RBFOX1: variants seen among roughly 807,000 people sequenced by gnomAD.
RBFOX1 encodes RNA binding protein fox-1 homolog 1.
Under a neutral mutation model 57.7 loss-of-function variants are expected in RBFOX1, and 8 were observed. The observed-to-expected ratio is 0.14, with a 90% CI of 0.08 to 0.25. RBFOX1 has a LOEUF of 0.25. RBFOX1 is among the 10% of genes least tolerant of loss of function. The pLI, the probability that RBFOX1 is intolerant of heterozygous loss-of-function variation, is 1.00. For synonymous variants in RBFOX1, 326 were observed against 222.4 expected (o/e 1.47, Z -4.15); for missense variants, 611 against 548.5 (o/e 1.11, Z -1.14).
At chr16:5,404,329 A>T (rs2066802990) in intron 1 of RBFOX1, among the ~76,000 whole-genome samples, 1 of 152,194 alleles carries the variant, frequency 6.6e-6, no homozygotes, top group Admixed American at 6.5e-5. Context: ...TTCTGGGAGC[A>T]TTGAACCTTA....
At position 5,905,518 on chromosome 16, in the gene RBFOX1, C is replaced by T. The variant is rs4786788; in HGVS notation, c.351+38183C>T. ...CTTGAGCCCAGGAGTTTTTGACCAG[C>T]TTGGAAAACATGTTGAAACCGAATC... On this transcript the variant is annotated intron_variant, in intron 4 of 19. Coordinates refer to the RBFOX1 transcript ENST00000641259. Among the ~76,000 whole-genome samples, 15 of 152,012 alleles carry T rather than the reference C, an allele frequency of 9.9e-5. No homozygotes were observed. In the East Asian group the frequency reaches 2.9e-3, roughly 30 times the overall value.
intron 1 of RBFOX1, among the ~76,000 whole-genome samples, chr16:5,299,681 G>C (rs1596450583): frequency 1.3e-5 from 2 of 152,156 alleles, no homozygotes; most frequent in South Asian, 4.1e-4. Flanking sequence ...TCAATTTGGT[G>C]AGCTTTTTGT....
At chr16:6,061,215 C>T (rs1160349107) in intron 1 of RBFOX1, among the ~76,000 whole-genome samples, 4 of 152,138 alleles carry the variant, frequency 2.6e-5, no homozygotes, top group African/African-American at 4.8e-5. Context: ...CAGGGACCCA[C>T]TATAGCAATT....
intron 3 of RBFOX1, among the ~76,000 whole-genome samples, chr16:5,665,027 C>T (rs945647225): frequency 1.3e-5 from 2 of 151,672 alleles, no homozygotes; most frequent in African/African-American, 4.9e-5. Flanking sequence ...TCACTGCAGC[C>T]CTCTACCTCC....
At chr16:5,701,992 C>G (rs1475861563) in intron 3 of RBFOX1, among the ~76,000 whole-genome samples, 1 of 152,112 alleles carries the variant, frequency 6.6e-6, no homozygotes, top group Non-Finnish European at 1.5e-5. Flanking sequence ...TAGAAGAATG[C>G]CTGGTAGAAA....
intron 3 of RBFOX1, among the ~76,000 whole-genome samples, chr16:6,923,983 A>C (rs2075036189): frequency 6.6e-6 from 1 of 152,002 alleles, no homozygotes; most frequent in African/African-American, 2.4e-5. Flanking sequence ...CATCCTGGCC[A>C]ACATGGTGAA....
chr16:6,624,698 C>A (rs17721074), intron 2 of RBFOX1, among the ~76,000 whole-genome samples: 2 of 151,906 alleles, frequency 1.3e-5, no homozygotes, highest in African/African-American at 4.8e-5. Flanking sequence ...AACTCCTAGA[C>A]GTCGTTGTAA....
intron 4 of RBFOX1, among the ~76,000 whole-genome samples, chr16:7,088,908 C>G (rs1282410912): frequency 6.6e-6 from 1 of 152,188 alleles, no homozygotes; most frequent in Non-Finnish European, 1.5e-5. Flanking sequence ...AGAAAATCCT[C>G]TTTATCCGCT....
At chr16:5,850,194 G>T (rs2056859147) in intron 3 of RBFOX1, among the ~76,000 whole-genome samples, 1 of 152,176 alleles carries the variant, frequency 6.6e-6, no homozygotes, top group African/African-American at 2.4e-5. Context: ...TATCCAGAGG[G>T]ATAAGCGGAG....
rs1449722049 is a variant in RBFOX1 at position 5,365,772 on chromosome 16, C to T, written c.220-101444C>T. 8.1e-6 allele frequency: 4 copies of T among 494,390 alleles called. No individual in the cohort carries two copies. In the East Asian group the frequency reaches 2.2e-4, roughly 27 times the overall value. 30.6% of individuals were successfully genotyped at this position (494,390 alleles called of 1,614,324 possible). On this transcript the variant is annotated intron_variant, in intron 1 of 2. Coordinates refer to the RBFOX1 transcript ENST00000585867. Reference sequence around the variant, plus strand: ...ATTTATCTCTGTCCGCCTTCTCTCCCACCTAAGTGCATGCTGCCACCCAAT... The same window carrying T: ...ATTTATCTCTGTCCGCCTTCTCTCCTACCTAAGTGCATGCTGCCACCCAAT...
intron 2 of RBFOX1, among the ~76,000 whole-genome samples, chr16:6,353,866 T>C (rs1195781109): frequency 1.3e-5 from 2 of 152,168 alleles, no homozygotes; most frequent in African/African-American, 2.4e-5. Flanking sequence ...TCTTCCTGCT[T>C]TTCCTGCCTT....
chr16:6,811,017 A>C (rs1272802519), intron 3 of RBFOX1, among the ~76,000 whole-genome samples: 1 of 152,256 alleles, frequency 6.6e-6, no homozygotes. Flanking sequence ...AAATAGTTAC[A>C]GAACACACAC....
intron 4 of RBFOX1, among the ~76,000 whole-genome samples, chr16:7,114,218 T>G (rs1478693): frequency 0.37 from 56,660 of 152,034 alleles, 11,616 homozygotes; most frequent in African/African-American, 0.54. Context: ...GGTTGCAAAT[T>G]ACAAAATAAT....
At chr16:5,444,292 G>A (rs557073170) in intron 1 of RBFOX1, among the ~76,000 whole-genome samples, 1 of 152,290 alleles carries the variant, frequency 6.6e-6, no homozygotes, top group South Asian at 2.1e-4. Context: ...TGACCTCATT[G>A]CAACATTTAT....
chr16:6,422,728 C>G (rs553627837), intron 2 of RBFOX1, among the ~76,000 whole-genome samples: 2 of 152,080 alleles, frequency 1.3e-5, no homozygotes, highest in Non-Finnish European at 2.9e-5. Flanking sequence ...TTCACTAGCA[C>G]AAAAATAGCA....
chr16:7,031,387 G>C (rs890791232), intron 3 of RBFOX1, among the ~76,000 whole-genome samples: 2 of 152,066 alleles, frequency 1.3e-5, no homozygotes, highest in Admixed American at 1.3e-4. Flanking sequence ...CTTGAGGTCA[G>C]GATTTCAAGA....
intron 2 of RBFOX1, among the ~76,000 whole-genome samples, chr16:5,468,094 C>G (rs1055949030): frequency 6.6e-6 from 1 of 152,108 alleles, no homozygotes; most frequent in African/African-American, 2.4e-5. Flanking sequence ...TCCTCCCACC[C>G]CTCTTACTGT....
chr16:6,311,045 C>A (rs1429289442), intron 1 of RBFOX1, among the ~76,000 whole-genome samples: 1 of 151,870 alleles, frequency 6.6e-6, no homozygotes, highest in Non-Finnish European at 1.5e-5. Context: ...ACTTTTAATC[C>A]CAGCACTTTG....
chr16:6,982,813 C>T (rs913108548), intron 3 of RBFOX1, among the ~76,000 whole-genome samples: 35 of 151,916 alleles, frequency 2.3e-4, no homozygotes, highest in African/African-American at 7.5e-4. Context: ...GCCAACATGG[C>T]GGAGCCCTGT....
Sources: allele counts gnomAD v4.1 joint callset (sites outside exome capture counted in the v4.1 genomes callset), GRCh38; gene constraint gnomAD v4.1.1; transcripts MANE v1.5; gene names NCBI Gene and HGNC (gene_info 2026-07-23, HGNC 2026-07-21).